MAST3: variants seen among roughly 807,000 people sequenced by gnomAD.
MAST3 encodes microtubule-associated serine/threonine-protein kinase 3.
A neutral mutation model predicts 127.0 loss-of-function variants in MAST3; 43 were observed. The observed-to-expected ratio is 0.34, with a 90% CI of 0.27 to 0.44. The LOEUF (loss-of-function observed/expected upper bound fraction) is 0.44. Among genes scored for constraint, MAST3 ranks in the 20% least tolerant of loss-of-function variants. MAST3 has a pLI of 1.00. For missense variants in MAST3, 1,390 were observed against 1,919.1 expected (o/e 0.72, Z 5.15); for synonymous variants, 785 against 809.2 (o/e 0.97, Z 0.51).
intron 13 of MAST3, chr19:18,129,441 A>T (rs2041019527): frequency 6.4e-6 from 1 of 156,436 alleles, no homozygotes; most frequent in Non-Finnish European, 1.4e-5. Context: ...CAGCATGGGC[A>T]CTCAATCTCT....
chr19:18,126,801 GAC>G (rs2040685627), intron 11 of MAST3, among the ~76,000 whole-genome samples: 1 of 151,346 alleles, frequency 6.6e-6, no homozygotes, highest in African/African-American at 2.4e-5. Context: ...TCTTTTTTGA[GAC>G]AGAGTCTCGC....
In MAST3 at chr19:18,112,956, G is replaced by T. The variant is rs1322498847; in HGVS notation, c.161+2215G>T. On this transcript the variant is annotated intron_variant, in intron 3 of 27. Coordinates refer to ENST00000687212, the MANE Select transcript of MAST3 (RefSeq NM_001393504.1). This position sits in a 1 kb window ranked among gnomAD's most constrained non-coding sequence, Gnocchi z 4.1. Reference sequence around the variant, plus strand: ...AAGAAAACAGGGGCATAGGACCTCAGAATGTGTTATCAGGAGCATCCTAGG... The same window carrying T: ...AAGAAAACAGGGGCATAGGACCTCATAATGTGTTATCAGGAGCATCCTAGG... Among the ~76,000 whole-genome samples the T allele has an allele frequency of 2.6e-5, 4 of 152,122 alleles. No individual in the cohort carries two copies. Among genetic ancestry groups the T allele is most frequent in the African/African-American group, 9.7e-5 (4 of 41,420 alleles).
chr19:18,147,466 T>C lies in MAST3; in HGVS notation c.3350T>C (p.Ile1117Thr), dbSNP rs1275939074. ...AGGCGGAAGTCACTTTTCAAGAAGA[T>C]CTCCAAGCAGACCTCCGTGCTGCAC... ...RERRKSLFKK[I>T]SKQTSVLHTS... The change falls in exon 27 of 28, where the codon ATC (isoleucine) becomes ACC (threonine). Residue 1117 changes from isoleucine (I) to threonine (T), a missense_variant. Transcript: ENST00000687212. 6.2e-7 allele frequency: 1 copy of C among 1,613,282 alleles called. No homozygotes were observed.
At chr19:18,141,130 C>T (rs1397006566) in intron 20 of MAST3, among the ~76,000 whole-genome samples, 3 of 152,100 alleles carry the variant, frequency 2.0e-5, no homozygotes, top group Non-Finnish European at 4.4e-5. Context: ...GCTTAACTTA[C>T]ATTCCCTACT....
chr19:18,130,623 C>T lies in MAST3; in HGVS notation c.1353C>T (p.Ala451=), dbSNP rs150375746. 507 of 1,613,966 alleles carry T rather than the reference C, an allele frequency of 3.1e-4. 3 individuals carry two copies. The African/African-American group carries it at 6.1e-3, about 19-fold the overall frequency. ...TGGAGCGTGACATTCTCACCTTTGC[C>T]GAGAACCCCTTTGTGGTCAGCATGT... is the stretch of plus-strand genomic sequence containing the variant. ...VFVERDILTF[A]ENPFVVSMFC... The change falls in exon 14 of 28, where the codon GCC becomes GCT. Residue 451 remains alanine, a synonymous_variant. Transcript: ENST00000687212.
In MAST3 at chr19:18,110,203, G is replaced by T; in HGVS notation, c.72-449G>T. On this transcript the variant is annotated intron_variant, in intron 2 of 27. Transcript: ENST00000687212. This position sits in a 1 kb window ranked among gnomAD's most constrained non-coding sequence, Gnocchi z 4.3. ...GTCTAGTCTGCCGCACCAGCCAGGC[G>T]TCTGTCCCTGCGTCCGTGTGTCCGT... 6 of 985,488 alleles carry T rather than the reference G, an allele frequency of 6.1e-6. No homozygotes were observed. Among genetic ancestry groups the T allele is most frequent in the Non-Finnish European group, 7.2e-6 (6 of 829,968 alleles). 61.0% of individuals were successfully genotyped at this position (985,488 alleles called of 1,614,324 possible).
intron 3 of MAST3, among the ~76,000 whole-genome samples, chr19:18,116,070 G>A (rs972155243): frequency 7.0e-6 from 1 of 143,286 alleles, no homozygotes; most frequent in Non-Finnish European, 1.5e-5. Context: ...TCCCTTCTCA[G>A]CCTTGGTATT....
chr19:18,104,311 G>T (rs1006461611), intron 1 of MAST3, among the ~76,000 whole-genome samples: 1 of 149,292 alleles, frequency 6.7e-6, no homozygotes, highest in Admixed American at 6.7e-5. Flanking sequence ...TGAACTAAAC[G>T]CCGTGAGTTG....
Position 18,149,751 on chromosome 19 carries a change from A to G in MAST3, c.*25A>G. ...ATCCCCTGCCAGGTCTCTCCCTGGC[A>G]TCAAAGTTACGCGTTTTCTTGTGCA... On this transcript the variant is annotated 3_prime_UTR_variant, in exon 28 of 28. Transcript: ENST00000687212. This position sits in a 1 kb window ranked among gnomAD's most constrained non-coding sequence, Gnocchi z 5.9. 1.2e-6 allele frequency: 2 copies of G among 1,608,892 alleles called. No individual in the cohort carries two copies. The highest frequency in any genetic ancestry group is 1.7e-6 in the Non-Finnish European group (2 of 1,178,960).
intron 14 of MAST3, 135 bp from the exon 15 acceptor site, chr19:18,131,774 G>T (rs2041319966): frequency 2.2e-6 from 2 of 928,368 alleles, no homozygotes; most frequent in South Asian, 1.5e-5. Flanking sequence ...GACCCTCCCC[G>T]CTGAGATAGA....
chr19:18,104,615 G>T (rs2037923665), intron 1 of MAST3, among the ~76,000 whole-genome samples: 1 of 151,918 alleles, frequency 6.6e-6, no homozygotes, highest in Non-Finnish European at 1.5e-5. Flanking sequence ...GCCCACCAAA[G>T]TAAAAATAGT....
intron 1 of MAST3, chr19:18,098,620 C>T (rs755783650): frequency 1.4e-5 from 6 of 435,062 alleles, no homozygotes; most frequent in Non-Finnish European, 2.8e-5. Context: ...CCTTTGACTT[C>T]TCTGGGCCTC....
At chr19:18,099,902 G>A (rs1045839214) in intron 1 of MAST3, among the ~76,000 whole-genome samples, 2 of 152,172 alleles carry the variant, frequency 1.3e-5, no homozygotes, top group Admixed American at 1.3e-4. Flanking sequence ...TTCCCCCTAG[G>A]GTGATGGGGA....
chr19:18,098,780 CTG>C (rs1472716403), intron 1 of MAST3: 1 of 456,716 alleles, frequency 2.2e-6, no homozygotes, highest in Non-Finnish European at 4.4e-6. Flanking sequence ...GGAGCGCCTG[CTG>C]TGTGCCTGGC....
chr19:18,145,199 C>G lies in MAST3; in HGVS notation c.3009C>G (p.Ser1003Arg). The change falls in exon 24 of 28, where the codon AGC becomes AGG. Residue 1003 changes from serine to arginine, a missense_variant. Physicochemically the swap from Ser to Arg is moderately radical, Grantham distance 110. Around this residue, in one of 5 missense-constraint regions of MAST3, gnomAD observed 816 missense variants for 934.1 expected, o/e 0.87. Coordinates refer to ENST00000687212, the MANE Select transcript of MAST3 (RefSeq NM_001393504.1). This position sits in a 1 kb window ranked among gnomAD's most constrained non-coding sequence, Gnocchi z 5.9. ...LRAIRVYMGD[S>R]DVYTVHHVVW... ...CGATCCGCGTCTACATGGGTGATAG[C>G]GACGTCTACACTGTGCACCACGTCG... 1 of 1,613,938 alleles carries G rather than the reference C, an allele frequency of 6.2e-7. No homozygotes were observed. The highest frequency in any genetic ancestry group is 8.5e-7 in the Non-Finnish European group (1 of 1,179,888).
chr19:18,128,368 G>C, intron 11 of MAST3, 32 bp from the exon 12 acceptor site: 1 of 1,525,898 alleles, frequency 6.6e-7, no homozygotes, highest in Non-Finnish European at 8.8e-7. Context: ...AGGCAGGGAG[G>C]CTCCAGCTGA....
Position 18,118,376 on chromosome 19 carries a change from G to C in MAST3, c.162-3309G>C, listed in dbSNP as rs975773019. On this transcript the variant is annotated intron_variant, in intron 3 of 27. Coordinates refer to ENST00000687212, the MANE Select transcript of MAST3 (RefSeq NM_001393504.1). ...CGTCTGTCTGTGGCAGCAGTGGGAA[G>C]GGGGGAGGACGCCTGTGGATCGAGG... 1.2e-5 allele frequency: 6 copies of C among 494,146 alleles called. No homozygotes were observed. In the East Asian group the frequency reaches 9.0e-4, roughly 74 times the overall value. The allele number at this position is 494,146 out of a possible 1,614,324, so 30.6% of individuals were successfully genotyped here. A position where few individuals can be genotyped will look rare whatever the true frequency, so the allele number is the denominator to read the frequency against.
chr19:18,148,824 A>G (rs535778927), intron 27 of MAST3, among the ~76,000 whole-genome samples: 4 of 151,876 alleles, frequency 2.6e-5, no homozygotes, highest in Middle Eastern at 3.4e-3. Flanking sequence ...AATCATTTCA[A>G]CCTGGGAGGT....
chr19:18,113,197 C>T (rs544876321), intron 3 of MAST3, among the ~76,000 whole-genome samples: 1 of 152,000 alleles, frequency 6.6e-6, no homozygotes, highest in Non-Finnish European at 1.5e-5. Flanking sequence ...TTGGGCCTGG[C>T]GGGGGAATGG....
Sources: gnomAD v4.1 joint callset for allele counts (sites outside exome capture counted in the v4.1 genomes callset) on GRCh38, gnomAD v4.1.1 for gene constraint, gnomAD v4.1.1 regional missense constraint, Gnocchi (gnomAD v3.1) non-coding constraint, MANE v1.5 for transcripts, NCBI Gene and HGNC (gene_info 2026-07-23, HGNC 2026-07-21) for gene names.